DISC1: variants seen among roughly 807,000 people sequenced by gnomAD.
The protein encoded by DISC1 is disrupted in schizophrenia 1 protein.
In DISC1, 57 loss-of-function variants were observed where a neutral mutation model predicts 84.5. The ratio of observed to expected loss-of-function variants is 0.67; its 90% CI spans 0.55 to 0.84. The LOEUF (loss-of-function observed/expected upper bound fraction) is 0.84. Among genes scored for constraint, DISC1 ranks in the 40% least tolerant of loss-of-function variants. The probability of loss-of-function intolerance (pLI) is 0.00; values close to 1 mark genes in which losing one functional copy is unlikely to be tolerated. For synonymous variants in DISC1, 411 were observed against 415.2 expected (o/e 0.99, Z 0.12); for missense variants, 1,000 against 1,057.8 (o/e 0.95, Z 0.76).
At chr1:231,774,123 G>A (rs2076772386) in intron 6 of DISC1, among the ~76,000 whole-genome samples, 1 of 152,048 alleles carries the variant, frequency 6.6e-6, no homozygotes, top group Non-Finnish European at 1.5e-5. Context: ...GCATGATTGA[G>A]TGTACTTGTA....
intron 8 of DISC1, 95 bp downstream of exon 8, chr1:231,800,305 T>G (rs2079128456): frequency 1.0e-6 from 1 of 973,228 alleles, no homozygotes; most frequent in Non-Finnish European, 1.6e-6. Context: ...ATTCCACTGT[T>G]ATTATGTCAT....
intron 3 of DISC1, chr1:231,723,869 G>A (rs568002263): frequency 2.0e-6 from 2 of 985,300 alleles, no homozygotes; most frequent in Admixed American, 6.2e-5. Flanking sequence ...ACAACCAGGA[G>A]CATTTGTTGG....
chr1:231,920,123 T>A (rs2089906573), intron 9 of DISC1, among the ~76,000 whole-genome samples: 1 of 152,170 alleles, frequency 6.6e-6, no homozygotes, highest in Non-Finnish European at 1.5e-5. Flanking sequence ...ATCAAAAATG[T>A]CTCCAGACCT....
intron 9 of DISC1, among the ~76,000 whole-genome samples, chr1:231,827,997 G>C (rs1295703473): frequency 6.6e-6 from 1 of 152,086 alleles, no homozygotes; most frequent in African/African-American, 2.4e-5. Context: ...ATGCTTTCTG[G>C]AGTCTTAATA....
chr1:231,793,561 G>A (rs1339981753), intron 6 of DISC1, among the ~76,000 whole-genome samples: 1 of 152,116 alleles, frequency 6.6e-6, no homozygotes, highest in East Asian at 1.9e-4. Context: ...ATCACTCTGC[G>A]GGGCCCATGG....
intron 1 of DISC1, 146 bp from the exon 2 acceptor site, chr1:231,693,680 T>G: frequency 8.4e-7 from 1 of 1,186,532 alleles, no homozygotes; most frequent in Non-Finnish European, 1.2e-6. Flanking sequence ...CATAATGGAT[T>G]GGCCCTGGGA....
At chr1:231,935,195 C>T (rs1006764320) in intron 9 of DISC1, among the ~76,000 whole-genome samples, 2 of 152,192 alleles carry the variant, frequency 1.3e-5, no homozygotes, top group Non-Finnish European at 2.9e-5. Context: ...ATGCAAGTGA[C>T]ATCTAACAGG....
At chr1:231,632,962 T>C (rs1365210135) in intron 1 of DISC1, among the ~76,000 whole-genome samples, 2 of 152,122 alleles carry the variant, frequency 1.3e-5, no homozygotes, top group African/African-American at 2.4e-5. Context: ...TCCCAGCTAC[T>C]TGGGAGGCTG....
At chr1:231,888,905 A>G (rs1024651867) in intron 9 of DISC1, among the ~76,000 whole-genome samples, 2 of 151,992 alleles carry the variant, frequency 1.3e-5, no homozygotes, top group Non-Finnish European at 2.9e-5. Context: ...GGTTTAAAAG[A>G]TAGAATTCCC....
chr1:231,782,223 C>T (rs2077481664), intron 6 of DISC1, among the ~76,000 whole-genome samples: 1 of 152,220 alleles, frequency 6.6e-6, no homozygotes, highest in South Asian at 2.1e-4. Flanking sequence ...ATTCTTTATG[C>T]AATTTCTCCT....
At chr1:231,910,095 C>T (rs1266100131) in intron 9 of DISC1, among the ~76,000 whole-genome samples, 1 of 152,138 alleles carries the variant, frequency 6.6e-6, no homozygotes, top group African/African-American at 2.4e-5. Flanking sequence ...TGCTAGCGGT[C>T]TATCAATTTT....
intron 9 of DISC1, among the ~76,000 whole-genome samples, chr1:231,947,323 C>A (rs903150933): frequency 6.6e-6 from 1 of 152,194 alleles, no homozygotes; most frequent in African/African-American, 2.4e-5. Flanking sequence ...ACCATCTGAT[C>A]TTTGACAAAC....
chr1:231,956,579 A>G (rs1659544585), intron 9 of DISC1, among the ~76,000 whole-genome samples: 1 of 152,138 alleles, frequency 6.6e-6, no homozygotes, highest in South Asian at 2.1e-4. Context: ...TTCCACTCAG[A>G]ACACTCAAAA....
At chr1:231,792,808 C>T (rs12130935) in intron 6 of DISC1, among the ~76,000 whole-genome samples, 14,234 of 152,224 alleles carry the variant, frequency 0.094, 779 homozygotes, top group East Asian at 0.27. Context: ...GATCCAATCC[C>T]TGGCCAGCCA....
intron 9 of DISC1, among the ~76,000 whole-genome samples, chr1:231,913,894 C>T (rs1558726550): frequency 6.6e-6 from 1 of 152,220 alleles, no homozygotes; most frequent in African/African-American, 2.4e-5. Context: ...ATTTTTCCAT[C>T]TTGGTTCTGT....
intron 9 of DISC1, among the ~76,000 whole-genome samples, chr1:231,938,855 G>T (rs1299783782): frequency 6.6e-6 from 1 of 152,158 alleles, no homozygotes; most frequent in Non-Finnish European, 1.5e-5. Flanking sequence ...CTGCTTGGCT[G>T]TGTTAAAAAC....
chr1:231,727,559 G>A (rs947980508), intron 3 of DISC1, among the ~76,000 whole-genome samples: 1 of 152,132 alleles, frequency 6.6e-6, no homozygotes, highest in East Asian at 1.9e-4. Context: ...CTGAATATAG[G>A]CTGAGTTTCA....
At chr1:232,006,257 G>A (rs189605180) in intron 10 of DISC1, among the ~76,000 whole-genome samples, 153 of 152,316 alleles carry the variant, frequency 1.0e-3, no homozygotes, top group Non-Finnish European at 9.7e-4. Flanking sequence ...GGCAGAGGTT[G>A]GAACTGTTTG....
rs561649259 is a variant in DISC1 at position 231,833,592 on chromosome 1, G to A, written c.1981+15075G>A. Among the ~76,000 whole-genome samples the A allele has an allele frequency of 6.7e-5, 10 of 150,376 alleles. 1 individual carries two copies. Among genetic ancestry groups the A allele is most frequent in the African/African-American group, 1.3e-4 (5 of 39,730 alleles). ...ACAGTCCGATTTTCAGTGGAGTCCC[G>A]CACAGATGAGACGCGGCTTAGGAGG... On this transcript the variant is annotated intron_variant, in intron 9 of 12. Coordinates refer to ENST00000439617, the MANE Select transcript of DISC1 (RefSeq NM_018662.3).
Sources: allele counts gnomAD v4.1 joint callset (sites outside exome capture counted in the v4.1 genomes callset), GRCh38; gene constraint gnomAD v4.1.1; transcripts MANE v1.5; gene names NCBI Gene and HGNC (gene_info 2026-07-23, HGNC 2026-07-21).